ABL1: variants seen among roughly 807,000 people sequenced by gnomAD.
The protein encoded by ABL1 is tyrosine-protein kinase ABL1.
In ABL1, 11 loss-of-function variants were observed where a neutral mutation model predicts 94.7. The ratio of observed to expected loss-of-function variants is 0.12; its 90% CI spans 0.07 to 0.19. ABL1 has a LOEUF of 0.19. Among genes scored for constraint, ABL1 ranks in the 10% least tolerant of loss-of-function variants. ABL1 has a pLI of 1.00. For synonymous variants in ABL1, 656 were observed against 622.4 expected, an observed-to-expected ratio of 1.05 and a Z score of -0.80; for missense variants, 1,082 against 1,489.4, an observed-to-expected ratio of 0.73 and a Z score of 4.50.
At position 130,790,161 on chromosome 9, in the gene ABL1, A is replaced by G. The variant is rs139394499; in HGVS notation, c.137-63903A>G. Among the ~76,000 whole-genome samples, 1,073 of 152,330 alleles carry G rather than the reference A, an allele frequency of 7.0e-3. 6 individuals carry two copies. Among genetic ancestry groups the G allele is most frequent in the Non-Finnish European group, 0.012 (833 of 68,024 alleles). ...TGAAATAAAATATGTCTATACTCCT[A>G]CCTTGACAAATATGTCTCTCTGATA... On this transcript the variant is annotated intron_variant, in intron 1 of 10. Transcript: ENST00000372348.
intron 10 of ABL1, among the ~76,000 whole-genome samples, chr9:130,882,910 C>T (rs1003414406): frequency 1.3e-5 from 2 of 152,154 alleles, no homozygotes; most frequent in Non-Finnish European, 2.9e-5. Flanking sequence ...GGCGTGGTGG[C>T]TCACACCTGT....
chr9:130,852,795 CT>C (rs1262196635), intron 1 of ABL1, among the ~76,000 whole-genome samples: 1 of 152,052 alleles, frequency 6.6e-6, no homozygotes, highest in African/African-American at 2.4e-5. Flanking sequence ...CTTTTAGAAT[CT>C]GTTTCAGACA....
intron 1 of ABL1, among the ~76,000 whole-genome samples, chr9:130,730,650 C>T (rs1190518482): frequency 2.6e-5 from 4 of 151,900 alleles, no homozygotes; most frequent in Non-Finnish European, 4.4e-5. Context: ...CGGCTCACTC[C>T]AACCTTGACC....
intron 1 of ABL1, among the ~76,000 whole-genome samples, chr9:130,837,563 AG>A (rs1437387722): frequency 1.3e-5 from 2 of 151,378 alleles, no homozygotes; most frequent in East Asian, 1.9e-4. Context: ...AAAAAAAAAA[AG>A]TTCTAGTACA....
At chr9:130,849,065 A>G (rs553481128) in intron 1 of ABL1, among the ~76,000 whole-genome samples, 2 of 152,220 alleles carry the variant, frequency 1.3e-5, no homozygotes, top group Non-Finnish European at 2.9e-5. Flanking sequence ...GACCATGCCT[A>G]TATACTGGAA....
chr9:130,802,042 A>G (rs781651804), intron 1 of ABL1, among the ~76,000 whole-genome samples: 2 of 150,134 alleles, frequency 1.3e-5, no homozygotes, highest in Non-Finnish European at 2.9e-5. Flanking sequence ...ACCCACTGGA[A>G]CACGTGACAT....
chr9:130,755,206 G>A (rs1470986471), intron 1 of ABL1, among the ~76,000 whole-genome samples: 1 of 152,180 alleles, frequency 6.6e-6, no homozygotes, highest in East Asian at 1.9e-4. Flanking sequence ...TTTAGGTTGG[G>A]AGTGGAAAGG....
chr9:130,774,598 C>T (rs1379850650), intron 1 of ABL1, among the ~76,000 whole-genome samples: 2 of 151,972 alleles, frequency 1.3e-5, no homozygotes, highest in Non-Finnish European at 2.9e-5. Flanking sequence ...CTGAGGTGGG[C>T]GGATTGCCTG....
intron 1 of ABL1, among the ~76,000 whole-genome samples, chr9:130,753,412 TTTTTC>T (rs1478264359): frequency 1.4e-5 from 2 of 139,082 alleles, no homozygotes; most frequent in African/African-American, 2.5e-5. Flanking sequence ...CTCTTCTTTT[TTTTTC>T]TTTTCTTTTT....
chr9:130,852,103 A>G (rs1270653538), intron 1 of ABL1, among the ~76,000 whole-genome samples: 1 of 152,156 alleles, frequency 6.6e-6, no homozygotes, highest in Non-Finnish European at 1.5e-5. Context: ...AATAAAAATT[A>G]CTAAACATCA....
At chr9:130,882,112 C>T (rs1346798065) in intron 10 of ABL1, among the ~76,000 whole-genome samples, 1 of 152,162 alleles carries the variant, frequency 6.6e-6, no homozygotes, top group Non-Finnish European at 1.5e-5. Flanking sequence ...CCTTCCTCCT[C>T]TTATCGGTTT....
intron 4 of ABL1, among the ~76,000 whole-genome samples, chr9:130,867,095 G>T (rs1831169425): frequency 6.6e-6 from 1 of 152,230 alleles, no homozygotes; most frequent in Non-Finnish European, 1.5e-5. Context: ...TCTAGCTGTG[G>T]CATTTAGATT....
chr9:130,873,078 G>A (rs1288742324), intron 6 of ABL1, 41 bp downstream of exon 6: 1 of 1,590,582 alleles, frequency 6.3e-7, no homozygotes, highest in South Asian at 1.1e-5. Context: ...GGAGTCACAG[G>A]GCGTGGAGCC....
At chr9:130,732,202 G>C (rs1238132506) in intron 1 of ABL1, among the ~76,000 whole-genome samples, 1 of 152,162 alleles carries the variant, frequency 6.6e-6, no homozygotes, top group Admixed American at 6.5e-5. Context: ...CTAAGTGCCT[G>C]TTCTGTATCA....
At chr9:130,833,508 CAG>C (rs1830518957), upstream of ABL1, among the ~76,000 whole-genome samples, 2 of 152,298 alleles carry the variant, frequency 1.3e-5, no homozygotes, top group African/African-American at 4.8e-5. Context: ...AGAAAGCATC[CAG>C]AGTCACTGCA....
chr9:130,766,405 C>T (rs942883910), intron 1 of ABL1, among the ~76,000 whole-genome samples: 1 of 152,166 alleles, frequency 6.6e-6, no homozygotes, highest in Non-Finnish European at 1.5e-5. Context: ...AGGGCGGCCC[C>T]ACCACTGGTG....
intron 1 of ABL1, among the ~76,000 whole-genome samples, chr9:130,748,577 T>TA (rs1263172230): frequency 8.2e-4 from 122 of 148,646 alleles, no homozygotes; most frequent in Admixed American, 2.4e-3. Flanking sequence ...CATGCCTAGC[T>TA]ACTTTTTTTT....
chr9:130,733,686 C>G (rs1441468882), intron 1 of ABL1, among the ~76,000 whole-genome samples: 1 of 149,300 alleles, frequency 6.7e-6, no homozygotes, highest in Non-Finnish European at 1.5e-5. Context: ...TCACACCATT[C>G]TCCTGCCTCA....
intron 3 of ABL1, among the ~76,000 whole-genome samples, chr9:130,859,915 G>A (rs905777618): frequency 6.6e-6 from 1 of 151,942 alleles, no homozygotes; most frequent in Admixed American, 6.6e-5. Flanking sequence ...GCCTGACCTC[G>A]TGATCTGCCC....
Sources: gnomAD v4.1 joint callset for allele counts (sites outside exome capture counted in the v4.1 genomes callset) on GRCh38, gnomAD v4.1.1 for gene constraint, MANE v1.5 for transcripts, NCBI Gene and HGNC (gene_info 2026-07-23, HGNC 2026-07-21) for gene names.